BACH2: variants seen among roughly 807,000 people sequenced by gnomAD.
BACH2 encodes the protein BACH transcriptional regulator 2.
A neutral mutation model predicts 61.8 loss-of-function variants in BACH2; 5 were observed. The ratio of observed to expected loss-of-function variants is 0.08; its 90% confidence interval spans 0.04 to 0.17. The LOEUF (loss-of-function observed/expected upper bound fraction) is 0.17. Ranked by LOEUF, BACH2 falls within the 10% of genes least tolerant of loss-of-function variation. The pLI, the probability that BACH2 is intolerant of heterozygous loss-of-function variation, is 1.00. For missense variants in BACH2, 824 were observed against 1,091.1 expected (o/e 0.76, Z 3.45); for synonymous variants, 446 against 440.1 (o/e 1.01, Z -0.17).
chr6:90,029,866 G>C (rs920648182), intron 5 of BACH2, among the ~76,000 whole-genome samples: 15 of 152,142 alleles, frequency 9.9e-5, no homozygotes, highest in African/African-American at 2.7e-4. Context: ...GCGACCGTTA[G>C]AGAAAACTAA....
At chr6:90,209,430 T>G (rs1397671285) in intron 3 of BACH2, among the ~76,000 whole-genome samples, 1 of 152,226 alleles carries the variant, frequency 6.6e-6, no homozygotes, top group Non-Finnish European at 1.5e-5. Flanking sequence ...TCTTTCAATT[T>G]CCAGAAGCAT....
intron 6 of BACH2, among the ~76,000 whole-genome samples, chr6:89,964,212 A>G (rs1267577553): frequency 6.6e-6 from 1 of 151,828 alleles, no homozygotes; most frequent in Non-Finnish European, 1.5e-5. Context: ...ATAATTAAAA[A>G]AAAAAAAAAA....
At chr6:89,984,622 T>C (rs151215451) in intron 6 of BACH2, among the ~76,000 whole-genome samples, 69 of 152,276 alleles carry the variant, frequency 4.5e-4, no homozygotes, top group African/African-American at 1.5e-3. Flanking sequence ...GGATAATAGG[T>C]GCTCCTGACA....
intron 1 of BACH2, among the ~76,000 whole-genome samples, chr6:90,288,885 A>C (rs1268156844): frequency 6.6e-6 from 1 of 152,190 alleles, no homozygotes; most frequent in Non-Finnish European, 1.5e-5. Context: ...AACGCAAAAA[A>C]CAAATTCCCT....
At chr6:89,978,582 TGGG>T (rs1775778163) in intron 6 of BACH2, among the ~76,000 whole-genome samples, 1 of 138,386 alleles carries the variant, frequency 7.2e-6, no homozygotes, top group Non-Finnish European at 1.5e-5. Context: ...TGCCATCAGC[TGGG>T]GTGAGTGCCA....
intron 1 of BACH2, among the ~76,000 whole-genome samples, chr6:90,289,681 AAAAC>A (rs1363476852): frequency 1.6e-4 from 25 of 152,092 alleles, no homozygotes; most frequent in East Asian, 7.7e-4. Context: ...CAAACAAACA[AAAAC>A]AAAAACAAAA....
At chr6:90,125,856 CA>C (rs1163756036) in intron 4 of BACH2, among the ~76,000 whole-genome samples, 1 of 152,228 alleles carries the variant, frequency 6.6e-6, no homozygotes, top group African/African-American at 2.4e-5. Flanking sequence ...AAGACAACGC[CA>C]AATGGGTGAA....
chr6:90,249,425 T>C (rs1193231087), intron 3 of BACH2, among the ~76,000 whole-genome samples: 2 of 152,162 alleles, frequency 1.3e-5, no homozygotes, highest in Non-Finnish European at 2.9e-5. Flanking sequence ...GCCAACTACC[T>C]AACAGCAATG....
chr6:90,135,288 T>TA (rs1402022655), intron 4 of BACH2, among the ~76,000 whole-genome samples: 1 of 152,216 alleles, frequency 6.6e-6, no homozygotes, highest in African/African-American at 2.4e-5. Flanking sequence ...ACCTACACCT[T>TA]GCCATCTATC....
chr6:90,296,270 G>C (rs1002881591), intron 1 of BACH2, among the ~76,000 whole-genome samples: 1 of 151,792 alleles, frequency 6.6e-6, no homozygotes. Context: ...CGCGGCCGCC[G>C]GCTCGGCTCC....
intron 3 of BACH2, among the ~76,000 whole-genome samples, chr6:90,217,486 T>C (rs1331519155): frequency 6.6e-6 from 1 of 152,214 alleles, no homozygotes; most frequent in Non-Finnish European, 1.5e-5. Flanking sequence ...AAATGCATCA[T>C]AACAAAGATA....
intron 4 of BACH2, among the ~76,000 whole-genome samples, chr6:90,183,874 G>T (rs528203351): frequency 7.5e-4 from 114 of 152,292 alleles, no homozygotes; most frequent in Non-Finnish European, 9.8e-4. Context: ...TCTCCCACTG[G>T]AATTTCAAAG....
At chr6:90,250,272 T>A (rs1378656276) in intron 3 of BACH2, among the ~76,000 whole-genome samples, 1 of 152,226 alleles carries the variant, frequency 6.6e-6, no homozygotes, top group Non-Finnish European at 1.5e-5. Context: ...CCTTTTGCAA[T>A]CTACACTAAG....
chr6:89,955,328 TTAAC>T (rs1774365564), intron 6 of BACH2, among the ~76,000 whole-genome samples: 1 of 152,194 alleles, frequency 6.6e-6, no homozygotes, highest in Non-Finnish European at 1.5e-5. Context: ...TGATGAAAAG[TTAAC>T]TAAGTAACAA....
At chr6:90,107,326 C>T (rs1048636221) in intron 4 of BACH2, among the ~76,000 whole-genome samples, 2 of 151,694 alleles carry the variant, frequency 1.3e-5, no homozygotes, top group African/African-American at 4.8e-5. Context: ...GAGCTGAGAT[C>T]GTGCCACTAC....
chr6:90,094,933 C>CA (rs2127809444), intron 4 of BACH2, among the ~76,000 whole-genome samples: 1 of 152,092 alleles, frequency 6.6e-6, no homozygotes, highest in South Asian at 2.1e-4. Flanking sequence ...GGTTAGAAAA[C>CA]AAAATAAGAC....
At chr6:90,223,072 C>T (rs1769789763) in intron 3 of BACH2, among the ~76,000 whole-genome samples, 2 of 152,218 alleles carry the variant, frequency 1.3e-5, no homozygotes, top group Non-Finnish European at 2.9e-5. Flanking sequence ...CTTCCCCTTC[C>T]TTGTCCAGTG....
Position 90,186,022 on chromosome 6 carries a change from A to AT in BACH2, c.-162+20546dup, listed in dbSNP as rs562494387. Among the ~76,000 whole-genome samples the AT allele has an allele frequency of 2.0e-3, 307 of 152,218 alleles. 1 individual carries two copies. Among genetic ancestry groups the AT allele is most frequent in the Non-Finnish European group, 3.5e-3 (237 of 68,010 alleles). On this transcript the variant is annotated intron_variant, in intron 4 of 8. Coordinates refer to ENST00000257749, the MANE Select transcript of BACH2 (RefSeq NM_021813.4). ...TGTATTAATAGGCTACTTTTAAAAA[A>AT]TTTTTTTGCAGCATATACACTCATA... is the stretch of plus-strand genomic sequence containing the variant.
At chr6:90,201,338 A>G (rs1046563699) in intron 4 of BACH2, among the ~76,000 whole-genome samples, 2 of 152,266 alleles carry the variant, frequency 1.3e-5, no homozygotes, top group South Asian at 2.1e-4. Context: ...CCTACTCCCA[A>G]CTTCACTGGG....
Sources: allele counts gnomAD v4.1 joint callset (sites outside exome capture counted in the v4.1 genomes callset), GRCh38; gene constraint gnomAD v4.1.1; transcripts MANE v1.5; gene names NCBI Gene and HGNC (gene_info 2026-07-23, HGNC 2026-07-21).